Variants in TNRC6C observed in about 807,000 individuals in gnomAD.
TNRC6C encodes trinucleotide repeat-containing gene 6C protein.
A neutral mutation model predicts 153.7 loss-of-function variants in TNRC6C; 20 were observed. The observed-to-expected ratio is 0.13, with a 90% confidence interval of 0.09 to 0.19. The LOEUF is 0.19. TNRC6C is among the 10% of genes least tolerant of loss of function. The probability of loss-of-function intolerance (pLI) is 1.00; values close to 1 mark genes in which losing one functional copy is unlikely to be tolerated. For synonymous variants in TNRC6C, 811 were observed against 841.4 expected, an observed-to-expected ratio of 0.96 and a Z score of 0.63; for missense variants, 1,987 against 2,172.0, an observed-to-expected ratio of 0.91 and a Z score of 1.69.
In TNRC6C at chr17:77,990,272, T is replaced by C. The variant is rs182512059; in HGVS notation, c.-37-13898T>C. ...CGCATTGGTTTCCACCAGTCCACTC[T>C]TACCTTCTTGTAATCTATTCCACAT... is the stretch of plus-strand genomic sequence containing the variant. On this transcript the variant is annotated intron_variant, in intron 1 of 22. Transcript: ENST00000636222. Among the ~76,000 whole-genome samples, 14 of 152,348 alleles carry C rather than the reference T, an allele frequency of 9.2e-5. No individual in the cohort carries two copies. In the East Asian group the frequency reaches 2.5e-3, roughly 27 times the overall value.
chr17:78,059,279 A>G (rs1453358994), intron 3 of TNRC6C, among the ~76,000 whole-genome samples: 4 of 152,202 alleles, frequency 2.6e-5, no homozygotes, highest in Non-Finnish European at 5.9e-5. Context: ...TAGTTACTAA[A>G]AGAGAAATTA....
chr17:78,060,468 CTTTTTT>C (rs975826787), intron 3 of TNRC6C, among the ~76,000 whole-genome samples: 1 of 125,978 alleles, frequency 7.9e-6, no homozygotes, highest in Non-Finnish European at 1.7e-5. Context: ...AATCGTTTAT[CTTTTTT>C]TTTTTTTTTT....
intron 1 of TNRC6C, among the ~76,000 whole-genome samples, chr17:78,006,828 ATTTT>A (rs113977025): frequency 4.2e-5 from 6 of 143,826 alleles, no homozygotes; most frequent in Admixed American, 6.9e-5. Context: ...TTATTTATTT[ATTTT>A]TTTTTTTTTT....
upstream of TNRC6C, chr17:78,004,282 T>G (rs1051132367): frequency 3.2e-6 from 4 of 1,231,586 alleles, no homozygotes; most frequent in African/African-American, 4.7e-5. Context: ...TTGGCTGAAG[T>G]TCCTGCTTCA....
At chr17:78,085,387 GCCTATAAGGATTCACTT>G (rs2073261994) in intron 11 of TNRC6C, among the ~76,000 whole-genome samples, 2 of 152,112 alleles carry the variant, frequency 1.3e-5, no homozygotes, top group Non-Finnish European at 2.9e-5. Context: ...TAAGTTTTAG[GCCTATAAGGATTCACTT>G]AAGTGGGGTA....
intron 19 of TNRC6C, 136 bp downstream of exon 22, chr17:78,103,689 G>C: frequency 1.6e-6 from 2 of 1,288,038 alleles, no homozygotes; most frequent in South Asian, 3.0e-5. Context: ...ACTTCTGGAG[G>C]CTGGAAGTCT....
chr17:77,961,104 C>T (rs2070858237), intron 1 of TNRC6C, among the ~76,000 whole-genome samples: 1 of 150,940 alleles, frequency 6.6e-6, no homozygotes, highest in South Asian at 2.1e-4. Flanking sequence ...GTTTGTAACT[C>T]TTCTGTGCTT....
intron 3 of TNRC6C, 45 bp downstream of exon 5, chr17:78,051,493 A>AC: frequency 2.1e-6 from 3 of 1,396,830 alleles, no homozygotes; most frequent in Non-Finnish European, 2.8e-6. Context: ...AAAAAAAAAA[A>AC]AAAAAGCTTA....
chr17:78,064,682 C>G, intron 3 of TNRC6C, 40 bp from the exon 6 acceptor site: 1 of 1,582,054 alleles, frequency 6.3e-7, no homozygotes, highest in Non-Finnish European at 8.7e-7. Flanking sequence ...TTCTCTGATG[C>G]ACTTTCATTA....
At chr17:77,979,461 A>G (rs547570480) in intron 1 of TNRC6C, among the ~76,000 whole-genome samples, 2 of 152,214 alleles carry the variant, frequency 1.3e-5, no homozygotes, top group Non-Finnish European at 2.9e-5. Context: ...GGAGGGTTTA[A>G]TAGTATTCTT....
At chr17:77,974,759 G>A (rs1481678707) in intron 1 of TNRC6C, among the ~76,000 whole-genome samples, 4 of 152,200 alleles carry the variant, frequency 2.6e-5, no homozygotes, top group Non-Finnish European at 5.9e-5. Flanking sequence ...TCTCTGCTAT[G>A]TTTCCAAGAA....
chr17:78,083,288 T>G, intron 11 of TNRC6C, 122 bp downstream of exon 13: 1 of 1,346,348 alleles, frequency 7.4e-7, no homozygotes, highest in Non-Finnish European at 1.0e-6. Flanking sequence ...GAGACTCTCA[T>G]GAAGTATTTA....
intron 1 of TNRC6C, among the ~76,000 whole-genome samples, chr17:77,960,694 G>C (rs1011992079): frequency 1.1e-4 from 16 of 152,178 alleles, no homozygotes; most frequent in African/African-American, 3.9e-4. Context: ...AGGGCACCTT[G>C]AAGAAATTTA....
chr17:78,024,046 A>G (rs956812413), intron 1 of TNRC6C, among the ~76,000 whole-genome samples: 5 of 152,192 alleles, frequency 3.3e-5, no homozygotes, highest in Middle Eastern at 3.4e-3. Context: ...GGAGGCAGAG[A>G]TTGTGCCATT....
rs1281619743 is a variant in TNRC6C, at chr17:78,051,497, A to AG, written c.2395+40_2395+41insG. 2.5e-5 allele frequency: 33 copies of AG among 1,331,390 alleles called. No homozygotes were observed. The East Asian group carries it at 7.3e-4, about 30-fold the overall frequency. The allele number at this position is 1,331,390 out of a possible 1,614,324, so 82.5% of individuals were successfully genotyped here. ...TTTACAAGTAAAAAAAAAAAAAAAA[A>AG]AGCTTATTCTCATTATATATTCATG... is the stretch of plus-strand genomic sequence containing the variant. On this transcript the variant is annotated intron_variant, in intron 3 of 19. Coordinates refer to ENST00000301624, the Ensembl canonical transcript of TNRC6C.
At position 78,097,559 on chromosome 17, in the gene TNRC6C, AC is replaced by A. The variant is rs552635405; in HGVS notation, c.4307-783del. 7.2e-4 allele frequency among the ~76,000 whole-genome samples: 109 copies of A among 152,278 alleles called. No homozygotes were observed. The Middle Eastern group carries it at 0.01, about 14-fold the overall frequency. On this transcript the variant is annotated intron_variant, in intron 16 of 19. Coordinates refer to ENST00000301624, the Ensembl canonical transcript of TNRC6C. ...ACATCCCAGGCCTCCCTGAGTGGGT[AC>A]AGGGACCCAGAGTAGGAGGCATGCC...
chr17:78,038,785 T>G (rs2143820301), intron 2 of TNRC6C, among the ~76,000 whole-genome samples: 1 of 152,250 alleles, frequency 6.6e-6, no homozygotes, highest in Admixed American at 6.5e-5. Flanking sequence ...ACTTTAAATC[T>G]TGTTAATATT....
At chr17:78,106,249 G>T (rs1399161049) in exon 20 of TNRC6C, 1 of 143,594 alleles carries the variant, frequency 7.0e-6, no homozygotes, top group Non-Finnish European at 1.5e-5. Context: ...ATTTAAAAAG[G>T]AATTAAAAAA....
chr17:78,050,335 G>A, exon 3 of TNRC6C: 2 of 1,600,426 alleles, frequency 1.2e-6, no homozygotes, highest in Non-Finnish European at 1.7e-6. Context: ...GCGAGATAAA[G>A]GGATTATAGA....
Sources: gnomAD v4.1 joint callset for allele counts (sites outside exome capture counted in the v4.1 genomes callset) on GRCh38, gnomAD v4.1.1 for gene constraint, MANE v1.5 for transcripts, NCBI Gene and HGNC (gene_info 2026-07-23, HGNC 2026-07-21) for gene names.